USP35: variants seen among roughly 807,000 people sequenced by gnomAD.
USP35 encodes the protein ubiquitin carboxyl-terminal hydrolase 35.
In USP35, 69 loss-of-function variants were observed where a neutral mutation model predicts 83.8. The observed-to-expected ratio is 0.82, with a 90% CI of 0.68 to 1.01. The LOEUF (loss-of-function observed/expected upper bound fraction) is 1.01. Among genes scored for constraint, USP35 ranks in the 50% least tolerant of loss-of-function variants. The probability of loss-of-function intolerance (pLI) is 0.00; values close to 1 mark genes in which losing one functional copy is unlikely to be tolerated. For synonymous variants in USP35, 714 were observed against 589.5 expected (o/e 1.21, Z -3.06); for missense variants, 1,503 against 1,362.5 (o/e 1.10, Z -1.62).
chr11:78,221,761 G>A, the USP35 span: 10 of 1,613,166 alleles, frequency 6.2e-6, no homozygotes, highest in East Asian at 2.2e-4. Flanking sequence ...ACTGGGAGGA[G>A]CTGGAGTTGA....
chr11:78,221,622 G>C, the USP35 span: 1 of 1,052,158 alleles, frequency 9.5e-7, no homozygotes, highest in African/African-American at 1.6e-5. Flanking sequence ...GGAACTGAGG[G>C]GTGGGTCCCA....
rs1434164875 is a variant in USP35 at position 78,196,898 on chromosome 11, T to C, written c.653T>C (p.Phe218Ser). 1.4e-5 allele frequency: 21 copies of C among 1,470,014 alleles called. No individual in the cohort carries two copies. Among genetic ancestry groups the C allele is most frequent in the African/African-American group, 2.9e-5 (2 of 69,128 alleles). 91.1% of individuals were successfully genotyped at this position (1,470,014 alleles called of 1,614,324 possible). A position where few individuals can be genotyped will look rare whatever the true frequency, so the allele number is the denominator to read the frequency against. ...AAILPCLKEL[F>S]AVISCAEEEP... ...ATCCTGCCCTGCCTCAAAGAGCTGT[T>C]CGCAGTCATCTCCTGCGCAGGTGCG... Residue 218 changes from phenylalanine to serine, a missense_variant, in exon 2 of 11, where the codon TTC becomes TCC. Transcript: ENST00000529308. The surrounding 1 kb of genome is among the most constrained non-coding windows in gnomAD (Gnocchi z 4.8).
chr11:78,236,371 G>A, the USP35 span, among the ~76,000 whole-genome samples: 7 of 152,072 alleles, frequency 4.6e-5, no homozygotes, highest in African/African-American at 1.2e-4. Context: ...GGCTGGTCTC[G>A]AACTCTTGAG....
In USP35 at chr11:78,210,110, C is replaced by A; in HGVS notation, c.2255C>A (p.Thr752Lys). Residue 752 changes from threonine to lysine, a missense_variant, in exon 10 of 11, where the codon ACA becomes AAA. Physicochemically the swap from Thr to Lys is moderately conservative, Grantham distance 78 (BLOSUM62 -1). Coordinates refer to ENST00000529308, the MANE Select transcript of USP35 (RefSeq NM_020798.4). ...GCTGCCATCCCCTCCGGGGAGCGGA[C>A]ATGTGGCTCTGAGGGCTCCCGCTCC... ...PDAAIPSGER[T>K]CGSEGSRSVL... 5 of 1,613,976 alleles carry A rather than the reference C, an allele frequency of 3.1e-6. No individual in the cohort carries two copies. The highest frequency in any genetic ancestry group is 4.2e-6 in the Non-Finnish European group (5 of 1,179,938).
At chr11:78,212,865 G>A (rs935853994) in intron 10 of USP35, among the ~76,000 whole-genome samples, 6 of 152,160 alleles carry the variant, frequency 3.9e-5, no homozygotes, top group Non-Finnish European at 5.9e-5. Flanking sequence ...TGCTGAAGGA[G>A]GAGTACAGGG....
intron 1 of USP35, among the ~76,000 whole-genome samples, chr11:78,194,041 C>G (rs1863073959): frequency 6.6e-6 from 1 of 151,280 alleles, no homozygotes; most frequent in Non-Finnish European, 1.5e-5. Context: ...CGCATCTGAG[C>G]TTGTAGCAGG....
chr11:78,204,312 A>G (rs1486625241), intron 6 of USP35, among the ~76,000 whole-genome samples: 1 of 152,220 alleles, frequency 6.6e-6, no homozygotes, highest in Non-Finnish European at 1.5e-5. Context: ...TTATAAAATT[A>G]TTTCGCATGG....
At chr11:78,212,924 G>A (rs1001041727) in intron 10 of USP35, among the ~76,000 whole-genome samples, 1 of 152,216 alleles carries the variant, frequency 6.6e-6, no homozygotes, top group African/African-American at 2.4e-5. Flanking sequence ...TGGGGGGAGG[G>A]GGTCCCACTA....
rs1370487650 is a variant in USP35 at position 78,210,277 on chromosome 11, C to G, written c.2422C>G (p.Leu808Val). ...AGGGCCGTGCTACCTCATCCTCACA[C>G]TGCTGCGCTTCTCTTTCGACCTGCG... ...SQGPCYLILTLLRFSFDLRTM... is the reference protein window; with the variant it reads ...SQGPCYLILTVLRFSFDLRTM... Residue 808 changes from leucine (L) to valine (V), a missense_variant, in exon 10 of 11, where the codon CTG becomes GTG. Transcript: ENST00000529308. 3 of 1,614,038 alleles carry G rather than the reference C, an allele frequency of 1.9e-6. No homozygotes were observed. The highest frequency in any genetic ancestry group is 2.7e-5 in the African/African-American group (2 of 74,950).
At chr11:78,225,654 T>G in the USP35 span, among the ~76,000 whole-genome samples, 5 of 152,248 alleles carry the variant, frequency 3.3e-5, no homozygotes, top group Non-Finnish European at 7.3e-5. Context: ...CTGCTCAAAT[T>G]GTCGATGGAT....
chr11:78,199,854 C>G, intron 4 of USP35, 130 bp downstream of exon 4: 1 of 1,408,840 alleles, frequency 7.1e-7, no homozygotes, highest in Non-Finnish European at 9.7e-7. Context: ...GGCGAATTCA[C>G]TGCCCCTCTC....
In USP35 at chr11:78,213,718, G is replaced by A. The variant is rs1186691863; in HGVS notation, c.2962G>A (p.Gly988Ser). 1 of 1,534,204 alleles carries A rather than the reference G, an allele frequency of 6.5e-7. No individual in the cohort carries two copies. The highest frequency in any genetic ancestry group is 8.7e-7 in the Non-Finnish European group (1 of 1,150,996). ...ALPTSPHWGRGFDEDKDEDEG... is the reference protein window; with the variant it reads ...ALPTSPHWGRSFDEDKDEDEG... Reference sequence around the variant, plus strand: ...CCCCACATCTCCGCACTGGGGGAGGGGCTTTGATGAAGACAAGGATGAGGA... The same window carrying A: ...CCCCACATCTCCGCACTGGGGGAGGAGCTTTGATGAAGACAAGGATGAGGA... The change falls in exon 11 of 11, where the codon GGC becomes AGC. Residue 988 changes from glycine to serine, a missense_variant. Physicochemically the swap from Gly to Ser is moderately conservative, Grantham distance 56. Transcript: ENST00000529308.
At position 78,214,000 on chromosome 11, in the gene USP35, G is replaced by GA. The variant is rs1863936799; in HGVS notation, c.*188dup. The GA allele has an allele frequency of 4.9e-6, 3 of 611,826 alleles. No individual in the cohort carries two copies. In the Middle Eastern group the frequency reaches 1.4e-3, roughly 286 times the overall value. The allele number at this position is 611,826 out of a possible 1,614,324, so 37.9% of individuals were successfully genotyped here. On this transcript the variant is annotated 3_prime_UTR_variant, in exon 11 of 11. Transcript: ENST00000529308. Reference sequence around the variant, plus strand: ...TAAGACCTAAGTCCCTTTCATTGGGGATCAGTCCCATTAAAACTTTACACC... The same window carrying GA: ...TAAGACCTAAGTCCCTTTCATTGGGGAATCAGTCCCATTAAAACTTTACACC...
At position 78,196,257 on chromosome 11, in the gene USP35, C is replaced by G; in HGVS notation, c.12C>G (p.Ile4Met). ...GCAGCGCGGGCGCCATGGACAAGAT[C>G]TTGGAGGCGGTGGTGACGTCGTCAT... Reference protein sequence around the residue: MDKILEAVVTSSYP... With the variant: MDKMLEAVVTSSYP... Residue 4 changes from isoleucine to methionine, a missense_variant, in exon 2 of 11, where the codon ATC becomes ATG. Ile to Met is a conservative substitution (Grantham distance 10, BLOSUM62 1). Transcript: ENST00000529308. The surrounding 1 kb of genome is among the most constrained non-coding windows in gnomAD (Gnocchi z 4.8). The G allele has an allele frequency of 6.3e-7, 1 of 1,593,426 alleles. No homozygotes were observed. The highest frequency in any genetic ancestry group is 1.3e-5 in the African/African-American group (1 of 74,242).
chr11:78,189,340 C>G (rs1862929737), intron 1 of USP35, among the ~76,000 whole-genome samples, 183 bp downstream of exon 1: 1 of 152,212 alleles, frequency 6.6e-6, no homozygotes, highest in South Asian at 2.1e-4. Flanking sequence ...TTAATCCCCT[C>G]CCTTCATCAA....
Position 78,196,882 on chromosome 11 carries a change from T to C in USP35, c.637T>C (p.Cys213Arg). ...WRAQPAAILP[C>R]LKELFAVISC... ...CGCACAGCCCGCCGCCATCCTGCCC[T>C]GCCTCAAAGAGCTGTTCGCAGTCAT... The change falls in exon 2 of 11, where the codon TGC (cysteine) becomes CGC (arginine). Residue 213 changes from cysteine to arginine, a missense_variant. Transcript: ENST00000529308. This position sits in a 1 kb window ranked among gnomAD's most constrained non-coding sequence, Gnocchi z 4.8. 6.8e-7 allele frequency: 1 copy of C among 1,475,562 alleles called. No homozygotes were observed. Among genetic ancestry groups the C allele is most frequent in the Non-Finnish European group, 9.0e-7 (1 of 1,117,140 alleles). 91.4% of individuals were successfully genotyped at this position (1,475,562 alleles called of 1,614,324 possible).
intron 7 of USP35, 173 bp from the exon 8 acceptor site, chr11:78,207,357 G>C (rs1460373680): frequency 3.2e-6 from 2 of 619,372 alleles, no homozygotes; most frequent in Non-Finnish European, 5.7e-6. Context: ...GATACCCCAG[G>C]CTGAGTTGTT....
chr11:78,218,943 C>A, downstream of USP35: 1 of 236,938 alleles, frequency 4.2e-6, no homozygotes. Flanking sequence ...CAGCCCTTCC[C>A]TCCAAACATC....
intron 1 of USP35, among the ~76,000 whole-genome samples, chr11:78,191,465 G>A (rs991978488): frequency 6.6e-6 from 1 of 152,234 alleles, no homozygotes; most frequent in East Asian, 1.9e-4. Flanking sequence ...GGGTGGGCAC[G>A]TAGTCACCTT....
Sources: gnomAD v4.1 joint callset for allele counts (sites outside exome capture counted in the v4.1 genomes callset) on GRCh38, gnomAD v4.1.1 for gene constraint, Gnocchi (gnomAD v3.1) non-coding constraint, MANE v1.5 for transcripts, NCBI Gene and HGNC (gene_info 2026-07-23, HGNC 2026-07-21) for gene names.